RRAGD: variants seen among roughly 807,000 people sequenced by gnomAD.
RRAGD encodes Ras related GTP binding D.
RRAGD carries 12 observed loss-of-function variants against 35.5 expected under a neutral mutation model. The observed-to-expected ratio is 0.34, with a 90% CI of 0.22 to 0.55. The LOEUF (loss-of-function observed/expected upper bound fraction) is 0.55. RRAGD is among the 20% of genes least tolerant of loss of function. RRAGD has a pLI of 0.91. For missense variants in RRAGD, 324 were observed against 490.1 expected (o/e 0.66, Z 3.20); for synonymous variants, 155 against 178.9 (o/e 0.87, Z 1.07).
chr6:89,406,436 G>A (rs1034820167), intron 1 of RRAGD, among the ~76,000 whole-genome samples: 1 of 152,076 alleles, frequency 6.6e-6, no homozygotes, highest in African/African-American at 2.4e-5. Flanking sequence ...GTCGAGAGGA[G>A]CACATCAGTG....
At chr6:89,406,763 C>T (rs975850902) in intron 1 of RRAGD, among the ~76,000 whole-genome samples, 2 of 152,200 alleles carry the variant, frequency 1.3e-5, no homozygotes, top group African/African-American at 4.8e-5. Flanking sequence ...AGCTGGTTAA[C>T]ACAAGCCCAT....
intron 6 of RRAGD, among the ~76,000 whole-genome samples, chr6:89,370,213 G>T (rs1470319493): frequency 2.0e-5 from 3 of 152,146 alleles, no homozygotes; most frequent in Non-Finnish European, 4.4e-5. Flanking sequence ...AAAATTCCGT[G>T]ATCTATTATA....
At chr6:89,380,425 A>G (rs1769022188) in intron 2 of RRAGD, 58 bp from the exon 3 acceptor site, 2 of 1,468,116 alleles carry the variant, frequency 1.4e-6, no homozygotes, top group Non-Finnish European at 9.4e-7. Flanking sequence ...AGCCTCCCAC[A>G]CACACTCTTC....
rs1319379671 is a variant in RRAGD, at chr6:89,412,107, C to T, written c.-114G>A. 22 of 1,017,686 alleles carry T rather than the reference C, an allele frequency of 2.2e-5. No homozygotes were observed. The highest frequency in any genetic ancestry group is 2.7e-5 in the Non-Finnish European group (21 of 780,532). The allele number at this position is 1,017,686 out of a possible 1,614,324, so 63.0% of individuals were successfully genotyped here. ...AAGCGGAGGTTTGTCTAGAGCTCAG[C>T]GGGGCCCGGCGGAAGCGGGGGCCGC... On this transcript the variant is annotated 5_prime_UTR_variant, in exon 1 of 7. Transcript: ENST00000369415. The surrounding 1 kb of genome is among the most constrained non-coding windows in gnomAD (Gnocchi z 4.2).
At chr6:89,371,437 C>A (rs1464159504) in intron 6 of RRAGD, among the ~76,000 whole-genome samples, 1 of 152,040 alleles carries the variant, frequency 6.6e-6, no homozygotes, top group African/African-American at 2.4e-5. Flanking sequence ...TGCAGAAAGC[C>A]ATGACTGTGC....
intron 5 of RRAGD, among the ~76,000 whole-genome samples, chr6:89,375,141 A>G (rs1006811516): frequency 1.3e-5 from 2 of 152,238 alleles, no homozygotes; most frequent in African/African-American, 4.8e-5. Flanking sequence ...TGATCTCATT[A>G]TCCTAAAAAT....
intron 1 of RRAGD, among the ~76,000 whole-genome samples, chr6:89,402,038 A>ATTTGTTTTTTTTTTTTTT (rs1769477134): frequency 1.3e-5 from 1 of 78,440 alleles, no homozygotes; most frequent in African/African-American, 6.3e-5. Flanking sequence ...AATCCTAAGG[A>ATTTGTTTTTTTTTTTTTT]TTTTTTTTTT....
chr6:89,410,771 G>A (rs1174779993), intron 1 of RRAGD, among the ~76,000 whole-genome samples: 1 of 152,204 alleles, frequency 6.6e-6, no homozygotes, highest in Non-Finnish European at 1.5e-5. Context: ...TTTGCATAGA[G>A]AATTTAAAAT....
chr6:89,408,485 C>A (rs1169530978), intron 1 of RRAGD, among the ~76,000 whole-genome samples: 1 of 152,194 alleles, frequency 6.6e-6, no homozygotes, highest in Admixed American at 6.5e-5. Flanking sequence ...GAGACCCAGT[C>A]CCTTCCCCAC....
At chr6:89,390,529 T>A (rs1374924642) in intron 1 of RRAGD, among the ~76,000 whole-genome samples, 1 of 152,246 alleles carries the variant, frequency 6.6e-6, no homozygotes, top group Non-Finnish European at 1.5e-5. Flanking sequence ...TTAGTGAAGA[T>A]GTAGAGAAAC....
intron 2 of RRAGD, among the ~76,000 whole-genome samples, chr6:89,381,770 C>G (rs1769047604): frequency 6.6e-6 from 1 of 152,082 alleles, no homozygotes; most frequent in Non-Finnish European, 1.5e-5. Context: ...TATGGATGAT[C>G]TATAATTTAT....
chr6:89,409,999 C>G (rs1769663364), intron 1 of RRAGD, among the ~76,000 whole-genome samples: 1 of 152,146 alleles, frequency 6.6e-6, no homozygotes, highest in Non-Finnish European at 1.5e-5. Context: ...TGCGAGTCAC[C>G]AAAAATCAGT....
intron 6 of RRAGD, among the ~76,000 whole-genome samples, chr6:89,370,800 A>G (rs1490654606): frequency 6.6e-6 from 1 of 152,182 alleles, no homozygotes; most frequent in African/African-American, 2.4e-5. Flanking sequence ...TCATCATACA[A>G]TCTATCATAG....
At chr6:89,374,529 G>A (rs1014950590) in intron 5 of RRAGD, among the ~76,000 whole-genome samples, 7 of 152,214 alleles carry the variant, frequency 4.6e-5, no homozygotes, top group African/African-American at 7.2e-5. Flanking sequence ...TTGGGAGTTC[G>A]AGAACAGCCT....
At chr6:89,391,520 A>T (rs1769232615) in intron 1 of RRAGD, among the ~76,000 whole-genome samples, 1 of 152,246 alleles carries the variant, frequency 6.6e-6, no homozygotes, top group African/African-American at 2.4e-5. Context: ...TATCTATTGT[A>T]TGATTCTATT....
At chr6:89,378,902 C>T (rs893843628) in intron 4 of RRAGD, among the ~76,000 whole-genome samples, 4 of 152,234 alleles carry the variant, frequency 2.6e-5, no homozygotes, top group African/African-American at 9.7e-5. Flanking sequence ...GCTGGGACTA[C>T]AGGCATGTGC....
At chr6:89,380,489 C>T in intron 2 of RRAGD, 122 bp from the exon 3 acceptor site, 1 of 731,842 alleles carries the variant, frequency 1.4e-6, no homozygotes, top group Non-Finnish European at 2.2e-6. Context: ...AGGTTCCCCT[C>T]AACAAGCTGG....
intron 1 of RRAGD, among the ~76,000 whole-genome samples, chr6:89,390,338 A>G (rs892138167): frequency 2.6e-5 from 4 of 152,238 alleles, no homozygotes; most frequent in African/African-American, 9.6e-5. Flanking sequence ...TGACAACCCA[A>G]TAAAAAATGA....
intron 1 of RRAGD, 130 bp from the exon 2 acceptor site, chr6:89,387,720 C>G (rs998295077): frequency 5.6e-6 from 5 of 888,884 alleles, no homozygotes; most frequent in Non-Finnish European, 6.9e-6. Context: ...GTGCTAACTA[C>G]AGTCCCTCCA....
Sources: allele counts gnomAD v4.1 joint callset (sites outside exome capture counted in the v4.1 genomes callset), GRCh38; gene constraint gnomAD v4.1.1; non-coding constraint Gnocchi (gnomAD v3.1); transcripts MANE v1.5; gene names NCBI Gene and HGNC (gene_info 2026-07-23, HGNC 2026-07-21).